Variants in ARMCX4 observed in about 807,000 individuals in gnomAD.
ARMCX4 encodes armadillo repeat containing X-linked 4, also known as armadillo repeat-containing X-linked protein 4.
A neutral mutation model predicts 34.7 loss-of-function variants in ARMCX4; 3 were observed. The ratio of observed to expected loss-of-function variants is 0.09; its 90% confidence interval spans 0.04 to 0.22. The LOEUF is 0.22. Among genes scored for constraint, ARMCX4 ranks in the 10% least tolerant of loss-of-function variants. The pLI, the probability that ARMCX4 is intolerant of heterozygous loss-of-function variation, is 1.00. For missense variants in ARMCX4, 1,448 were observed against 1,720.8 expected (o/e 0.84, Z 2.81); for synonymous variants, 513 against 632.8 (o/e 0.81, Z 2.84).
intron 2 of ARMCX4, among the ~76,000 whole-genome samples, chrX:101,441,821 G>A (rs1487886656): frequency 9.0e-6 from 1 of 111,529 alleles, no homozygotes; most frequent in Non-Finnish European, 1.9e-5. Context: ...GGTTCTCAGC[G>A]TATTGTTCCT....
chrX:101,484,093 T>C (rs1247875188), upstream of ARMCX4, among the ~76,000 whole-genome samples: 1 of 111,779 alleles, frequency 8.9e-6, no homozygotes, highest in Non-Finnish European at 1.9e-5. Context: ...AAAAAACTTC[T>C]TTTTCTTGGC....
chrX:101,433,520 G>A (rs1393226589), intron 2 of ARMCX4, among the ~76,000 whole-genome samples: 1 of 111,558 alleles, frequency 9.0e-6, no homozygotes, highest in African/African-American at 3.3e-5. Flanking sequence ...TAATTTCTCT[G>A]AGTCTGAGTT....
chrX:101,443,543 A>G (rs1197499940), intron 2 of ARMCX4, among the ~76,000 whole-genome samples: 2 of 112,156 alleles, frequency 1.8e-5, no homozygotes, highest in African/African-American at 3.2e-5. Context: ...ACAGCTAGAC[A>G]TGGAAGGAAT....
At chrX:101,433,704 C>T (rs782099044) in intron 2 of ARMCX4, among the ~76,000 whole-genome samples, 19 of 110,930 alleles carry the variant, frequency 1.7e-4, no homozygotes, top group Non-Finnish European at 3.0e-4. Context: ...TGATAAATGA[C>T]GTAGTGTGGA....
intron 4 of ARMCX4, among the ~76,000 whole-genome samples, chrX:101,473,157 C>T (rs1354311343): frequency 9.0e-6 from 1 of 110,720 alleles, no homozygotes; most frequent in Non-Finnish European, 1.9e-5. Context: ...GGGTTGCGAT[C>T]CTAGTCTCTG....
downstream of ARMCX4, among the ~76,000 whole-genome samples, chrX:101,534,458 C>T (rs1935186548): frequency 9.0e-6 from 1 of 110,648 alleles, no homozygotes; most frequent in Non-Finnish European, 1.9e-5. Flanking sequence ...AGACCTTACC[C>T]TTCAGATATT....
chrX:101,475,342 G>A (rs969069031), intron 4 of ARMCX4, among the ~76,000 whole-genome samples: 7 of 109,714 alleles, frequency 6.4e-5, no homozygotes, highest in Admixed American at 9.8e-5. Flanking sequence ...CTTCTTTGTA[G>A]GTATCTGCAA....
chrX:101,465,867 T>C (rs782127753), intron 4 of ARMCX4, among the ~76,000 whole-genome samples: 1 of 112,212 alleles, frequency 8.9e-6, no homozygotes, highest in African/African-American at 3.2e-5. Flanking sequence ...ATTGCAAAAT[T>C]AAGCTACAAC....
chrX:101,476,854 GA>G (rs1187037070), intron 4 of ARMCX4, among the ~76,000 whole-genome samples: 5 of 109,153 alleles, frequency 4.6e-5, no homozygotes, highest in Non-Finnish European at 9.6e-5. Context: ...ATAAAGATAA[GA>G]AAAAAAGAAA....
chrX:101,491,556 G>C lies in ARMCX4; in HGVS notation c.2967G>C (p.Gln989His), dbSNP rs782805284. The change falls in exon 6 of 6, where the codon CAG becomes CAC. Residue 989 changes from glutamine (Q) to histidine (H), a missense_variant. By Grantham distance (24) the Gln-to-His change is conservative (BLOSUM62 0). Coordinates refer to ENST00000423738, the MANE Select transcript of ARMCX4 (RefSeq NM_001256155.3). ...GGGCAGATACAGTGGGCTCTGCCCA[G>C]CCCCAAGCTGTCGCTAATTCCCAGA... is the stretch of plus-strand genomic sequence containing the variant. ...EAGADTVGSAQPQAVANSQSE... is the reference protein window; with the variant it reads ...EAGADTVGSAHPQAVANSQSE... 13 of 1,156,475 alleles carry C rather than the reference G, an allele frequency of 1.1e-5. No homozygotes were observed. The South Asian group carries it at 2.5e-4, about 22-fold the overall frequency.
intron 11 of ARMCX4, among the ~76,000 whole-genome samples, chrX:101,523,959 T>C (rs1934910545): frequency 9.1e-6 from 1 of 110,430 alleles, no homozygotes; most frequent in South Asian, 3.9e-4. Context: ...TTTCCCCCTT[T>C]TCCAAGTTAA....
chrX:101,529,749 G>T (rs986535391), intron 11 of ARMCX4, among the ~76,000 whole-genome samples: 7 of 112,261 alleles, frequency 6.2e-5, no homozygotes, highest in Non-Finnish European at 1.1e-4. Context: ...ATCATCAATG[G>T]TCATCAGAGA....
intron 2 of ARMCX4, among the ~76,000 whole-genome samples, chrX:101,438,138 G>A: frequency 8.9e-6 from 1 of 111,954 alleles, no homozygotes; most frequent in South Asian, 3.7e-4. Context: ...TGTATGTTCT[G>A]TTGATTTGGG....
At chrX:101,474,578 G>A (rs1933086333) in intron 4 of ARMCX4, among the ~76,000 whole-genome samples, 2 of 103,564 alleles carry the variant, frequency 1.9e-5, no homozygotes, top group Admixed American at 1.1e-4. Flanking sequence ...CTGGCAAACT[G>A]AATCCAGCAG....
chrX:101,506,036 T>C (rs1209122974), intron 8 of ARMCX4, among the ~76,000 whole-genome samples: 3 of 111,209 alleles, frequency 2.7e-5, no homozygotes, highest in Non-Finnish European at 5.7e-5. Context: ...AGAGACGGGG[T>C]TTCACCATAT....
rs1446308766 is a variant in ARMCX4 at position 101,419,947 on chromosome X, A to G, written n.164+947A>G. Among the ~76,000 whole-genome samples the G allele has an allele frequency of 2.7e-5, 3 of 111,983 alleles. No homozygotes were observed. The Admixed American group carries it at 2.9e-4, about 11-fold the overall frequency. ...TTCCTCTATTATAATAGTACTCAAA[A>G]TATGGCTTTACTGCTTTTGACTAGT... is the stretch of plus-strand genomic sequence containing the variant. On this transcript the variant is annotated intron_variant and non_coding_transcript_variant, in intron 2 of 3. Coordinates refer to the ARMCX4 transcript ENST00000430461.
chrX:101,494,071 GGGGCTGAGGC>G lies in ARMCX4; in HGVS notation c.5483_5492del (p.Gly1828ValfsTer31). 1 of 1,003,640 alleles carries G rather than the reference GGGGCTGAGGC, an allele frequency of 1.0e-6. No individual in the cohort carries two copies. The highest frequency in any genetic ancestry group is 3.0e-5 in the Admixed American group (1 of 33,090). 82.7% of individuals were successfully genotyped at this position (1,003,640 alleles called of 1,213,427 possible). On this transcript the variant is annotated frameshift_variant, in exon 6 of 6. Coordinates refer to ENST00000423738, the MANE Select transcript of ARMCX4 (RefSeq NM_001256155.3). LOFTEE classifies it high-confidence loss of function. The stretch of plus-strand genomic sequence containing the variant: ...TGGGGCTGAGGCTGGGGCTGGGGCT[GGGGCTGAGGC>G]TGGGGCTGAGGCTGGGGCTGGGGCT...
In ARMCX4 at chrX:101,491,542, G is replaced by C; in HGVS notation, c.2953G>C (p.Val985Leu). Residue 985 changes from valine to leucine, a missense_variant, in exon 6 of 6, where the codon GTG becomes CTG. Physicochemically the swap from Val to Leu is conservative, Grantham distance 32. This residue lies in a region of ARMCX4 where 1,343 missense variants were observed against 1,540.7 expected (regional missense o/e 0.87). Coordinates refer to ENST00000423738, the MANE Select transcript of ARMCX4 (RefSeq NM_001256155.3). The stretch of plus-strand genomic sequence containing the variant: ...TAAGGCAGAGGCTGGGGCAGATACA[G>C]TGGGCTCTGCCCAGCCCCAAGCTGT... ...VPKAEAGADT[V>L]GSAQPQAVAN... 8.7e-7 allele frequency: 1 copy of C among 1,151,728 alleles called. No homozygotes were observed. Among genetic ancestry groups the C allele is most frequent in the South Asian group, 1.9e-5 (1 of 52,394 alleles). 94.9% of individuals were successfully genotyped at this position (1,151,728 alleles called of 1,213,427 possible). A position where few individuals can be genotyped will look rare whatever the true frequency, so the allele number is the denominator to read the frequency against.
chrX:101,467,676 G>GA (rs1339125534), intron 4 of ARMCX4, among the ~76,000 whole-genome samples: 2 of 111,580 alleles, frequency 1.8e-5, no homozygotes, highest in African/African-American at 3.3e-5. Context: ...GTGGGGGGGG[G>GA]ACGGTGTCAT....
Sources: allele counts gnomAD v4.1 joint callset (sites outside exome capture counted in the v4.1 genomes callset), GRCh38; gene constraint gnomAD v4.1.1; regional missense constraint gnomAD v4.1.1; transcripts MANE v1.5; gene names NCBI Gene and HGNC (gene_info 2026-07-23, HGNC 2026-07-21).